The following NMBR variants were observed in gnomAD, a reference collection of about 807,000 sequenced individuals.
The protein encoded by NMBR is neuromedin B receptor, also known as neuromedin-B receptor.
Under a neutral mutation model 20.5 loss-of-function variants are expected in NMBR, and 16 were observed. That is an observed-to-expected ratio of 0.78 (90% CI 0.53 to 1.19). NMBR has a LOEUF of 1.19. Ranked by LOEUF, NMBR falls within the 50% of genes most tolerant of loss-of-function variation. NMBR has a pLI of 0.00. For synonymous variants in NMBR, 212 were observed against 196.6 expected, an observed-to-expected ratio of 1.08 and a Z score of -0.65; for missense variants, 582 against 499.1, an observed-to-expected ratio of 1.17 and a Z score of -1.58.
At chr6:142,129,431 A>T (rs770054923) in intron 1 of NMBR, among the ~76,000 whole-genome samples, 4 of 152,116 alleles carry the variant, frequency 2.6e-5, no homozygotes, top group Non-Finnish European at 5.9e-5. Context: ...TTAGGGCTAA[A>T]AGAACAAAGG....
intron 1 of NMBR, among the ~76,000 whole-genome samples, chr6:142,126,491 T>C (rs1006233967): frequency 2.6e-5 from 4 of 151,872 alleles, no homozygotes; most frequent in African/African-American, 7.2e-5. Context: ...CTCCCTACTG[T>C]TTTCCTTAAT....
chr6:142,146,312 T>C (rs532187042), intron 1 of NMBR, among the ~76,000 whole-genome samples: 1 of 152,274 alleles, frequency 6.6e-6, no homozygotes, highest in African/African-American at 2.4e-5. Context: ...TTTTGGCTCT[T>C]GGGGATAGTG....
intron 1 of NMBR, among the ~76,000 whole-genome samples, chr6:142,108,038 G>A (rs1472791867): frequency 1.3e-5 from 2 of 151,722 alleles, no homozygotes; most frequent in African/African-American, 4.8e-5. Context: ...GAAAAACAGA[G>A]AAGGAAAAAG....
chr6:142,107,236 T>C (rs1777679068), intron 1 of NMBR, among the ~76,000 whole-genome samples: 1 of 152,162 alleles, frequency 6.6e-6, no homozygotes. Flanking sequence ...CCACTCTCTT[T>C]ATTCCACAAT....
intron 1 of NMBR, among the ~76,000 whole-genome samples, chr6:142,119,154 A>G (rs1162047347): frequency 6.6e-6 from 1 of 151,966 alleles, no homozygotes; most frequent in Non-Finnish European, 1.5e-5. Flanking sequence ...GCCTCTAGGA[A>G]ATGACATAAG....
In NMBR at chr6:142,079,030, AAGAAAGAAAGAG is replaced by A. The variant is rs1263633219; in HGVS notation, c.423-139_423-128del. 27 of 514,638 alleles carry A rather than the reference AAGAAAGAAAGAG, an allele frequency of 5.2e-5. No individual in the cohort carries two copies. In the Middle Eastern group the frequency reaches 1.6e-3, roughly 30 times the overall value. The allele number at this position is 514,638 out of a possible 1,614,324, so 31.9% of individuals were successfully genotyped here. On this transcript the variant is annotated intron_variant, in intron 2 of 3. Coordinates refer to ENST00000258042, the MANE Select transcript of NMBR (RefSeq NM_002511.4). Reference sequence around the variant, plus strand: ...AAAGGAAGAAAGGGAGAGAGAGAGAAAGAAAGAAAGAGAGAAAGAAAGAGAGAAAGAGAGAGA... The same window carrying A: ...AAAGGAAGAAAGGGAGAGAGAGAGAAAGAAAGAAAGAGAGAAAGAGAGAGA...
intron 1 of NMBR, among the ~76,000 whole-genome samples, chr6:142,106,666 T>G (rs1157796033): frequency 6.6e-6 from 1 of 152,224 alleles, no homozygotes; most frequent in Non-Finnish European, 1.5e-5. Flanking sequence ...TAAGCAATTG[T>G]TAACTAGACA....
At chr6:142,092,837 T>G (rs757413685) in intron 1 of NMBR, among the ~76,000 whole-genome samples, 12 of 152,136 alleles carry the variant, frequency 7.9e-5, no homozygotes, top group Non-Finnish European at 2.9e-5. Flanking sequence ...AATTTCCCCT[T>G]GGGTTTTCAG....
intron 1 of NMBR, among the ~76,000 whole-genome samples, chr6:142,094,460 T>C (rs1777404210): frequency 6.6e-6 from 1 of 152,198 alleles, no homozygotes; most frequent in African/African-American, 2.4e-5. Flanking sequence ...CAGATAGTTA[T>C]AGACATGTGG....
intron 1 of NMBR, among the ~76,000 whole-genome samples, chr6:142,119,114 C>T (rs1257551598): frequency 6.6e-6 from 1 of 151,940 alleles, no homozygotes; most frequent in Non-Finnish European, 1.5e-5. Context: ...CTCTATAGCA[C>T]CACATCAGCC....
intron 2 of NMBR, among the ~76,000 whole-genome samples, chr6:142,083,244 G>A (rs992275999): frequency 3.3e-5 from 5 of 152,068 alleles, no homozygotes; most frequent in African/African-American, 4.8e-5. Context: ...ATTATGTGCA[G>A]AAACTACAAT....
intron 3 of NMBR, among the ~76,000 whole-genome samples, chr6:142,077,360 C>T (rs1776969794): frequency 6.6e-6 from 1 of 152,164 alleles, no homozygotes; most frequent in South Asian, 2.1e-4. Flanking sequence ...AAAAACTCAA[C>T]TTTAGAAACC....
chr6:142,141,015 T>G (rs928504438), intron 1 of NMBR, among the ~76,000 whole-genome samples: 2 of 152,132 alleles, frequency 1.3e-5, no homozygotes, highest in Admixed American at 1.3e-4. Flanking sequence ...AGTAATAAAC[T>G]GACAAAGTAA....
intron 2 of NMBR, among the ~76,000 whole-genome samples, chr6:142,081,984 T>A (rs887995951): frequency 1.3e-5 from 2 of 152,174 alleles, no homozygotes; most frequent in Non-Finnish European, 1.5e-5. Flanking sequence ...ATTTTGGATC[T>A]CGCTTGTAAC....
At chr6:142,078,156 C>T (rs900801697) in intron 3 of NMBR, among the ~76,000 whole-genome samples, 2 of 152,152 alleles carry the variant, frequency 1.3e-5, no homozygotes, top group Non-Finnish European at 2.9e-5. Flanking sequence ...CCTGATGCAT[C>T]CTTCTTCTAG....
chr6:142,087,335 A>G (rs1301537035), intron 2 of NMBR, among the ~76,000 whole-genome samples: 1 of 152,202 alleles, frequency 6.6e-6, no homozygotes, highest in Non-Finnish European at 1.5e-5. Context: ...TCAGTCCTCC[A>G]TTCCCACCAA....
rs751493258 is a variant in NMBR at position 142,075,628 on chromosome 6, A to AG, written c.*19dup. The AG allele has an allele frequency of 4.4e-6, 7 of 1,585,758 alleles. No homozygotes were observed. In the South Asian group the frequency reaches 8.1e-5, roughly 18 times the overall value. ...AACAGTTACTAAGTTCTCTCCAGGTAGTGAGTTGAATGGCCAAAATCACAG... is the reference window on the plus strand; with the variant it reads ...AACAGTTACTAAGTTCTCTCCAGGTAGGTGAGTTGAATGGCCAAAATCACAG... On this transcript the variant is annotated 3_prime_UTR_variant, in exon 4 of 4. Transcript: ENST00000258042.
chr6:142,075,936 C>G lies in NMBR; in HGVS notation c.885G>C (p.Glu295Asp). ...TCATGTGGCCTAGAGATGGATCAAT[C>G]TCATTATAGTTGAAAGACCGATACA... Reference protein sequence around the residue: ...LYMYRSFNYNEIDPSLGHMIV... With the variant: ...LYMYRSFNYNDIDPSLGHMIV... Residue 295 changes from glutamate (E) to aspartate (D), a missense_variant, in exon 4 of 4, where the codon GAG becomes GAC. Transcript: ENST00000258042. 1 of 1,614,014 alleles carries G rather than the reference C, an allele frequency of 6.2e-7. No individual in the cohort carries two copies. The highest frequency in any genetic ancestry group is 2.2e-5 in the East Asian group (1 of 44,872).
At chr6:142,100,522 T>C (rs1340170475) in intron 1 of NMBR, among the ~76,000 whole-genome samples, 2 of 152,200 alleles carry the variant, frequency 1.3e-5, no homozygotes, top group African/African-American at 4.8e-5. Flanking sequence ...ACAGAGACAG[T>C]AAAATGTGCT....
Sources: gnomAD v4.1 joint callset for allele counts (sites outside exome capture counted in the v4.1 genomes callset) on GRCh38, gnomAD v4.1.1 for gene constraint, MANE v1.5 for transcripts, NCBI Gene and HGNC (gene_info 2026-07-23, HGNC 2026-07-21) for gene names.